The following HEATR1 variants were observed in gnomAD, a reference collection of about 807,000 sequenced individuals.
The protein encoded by HEATR1 is HEAT repeat containing 1, also known as HEAT repeat-containing protein 1.
A neutral mutation model predicts 248.2 loss-of-function variants in HEATR1; 77 were observed. That is an observed-to-expected ratio of 0.31 (90% CI 0.26 to 0.37). HEATR1 has a LOEUF of 0.37. Among genes scored for constraint, HEATR1 ranks in the 10% least tolerant of loss-of-function variants. The probability of loss-of-function intolerance (pLI) is 1.00; values close to 1 mark genes in which losing one functional copy is unlikely to be tolerated. For missense variants in HEATR1, 2,420 were observed against 2,504.9 expected (o/e 0.97, Z 0.72); for synonymous variants, 897 against 923.1 (o/e 0.97, Z 0.51).
chr1:236,592,432 CA>C, intron 10 of HEATR1, 90 bp downstream of exon 10: 1 of 676,666 alleles, frequency 1.5e-6, no homozygotes, highest in Non-Finnish European at 2.7e-6. Context: ...AGTCTCTGTA[CA>C]ATTCAGTATA....
chr1:236,568,104 T>A (rs557611169), intron 29 of HEATR1, among the ~76,000 whole-genome samples: 35 of 152,354 alleles, frequency 2.3e-4, no homozygotes, highest in African/African-American at 7.9e-4. Flanking sequence ...ATCATGCCTT[T>A]TCTCATACTA....
rs534946113 is a variant in HEATR1, at chr1:236,590,862, G to A, written c.1515C>T (p.Ile505=). Residue 505 remains isoleucine, a synonymous_variant, in exon 12 of 45, where the codon ATC becomes ATT. Transcript: ENST00000366582. ...TGAAACAAACCTTTGATGTTTTCAT[G>A]ATCTTTTTCAAATGATTCATGGCCA... is the stretch of plus-strand genomic sequence containing the variant. ...RILAMNHLKK[I]MKTSKEGVDE... The A allele has an allele frequency of 1.3e-6, 2 of 1,502,042 alleles. No homozygotes were observed. Among genetic ancestry groups the A allele is most frequent in the South Asian group, 1.4e-5 (1 of 72,544 alleles). 93.0% of individuals were successfully genotyped at this position (1,502,042 alleles called of 1,614,324 possible).
intron 24 of HEATR1, 48 bp from the exon 25 acceptor site, chr1:236,572,876 A>AT (rs1273970074): frequency 1.3e-6 from 2 of 1,487,172 alleles, no homozygotes; most frequent in African/African-American, 2.8e-5. Flanking sequence ...CATTGGGATA[A>AT]AATTAGAGCA....
chr1:236,554,444 A>C (rs1200552291), intron 42 of HEATR1, among the ~76,000 whole-genome samples, 154 bp downstream of exon 42: 1 of 152,232 alleles, frequency 6.6e-6, no homozygotes, highest in Non-Finnish European at 1.5e-5. Flanking sequence ...CTTTGAAAAA[A>C]CAATTTTCAA....
intron 20 of HEATR1, among the ~76,000 whole-genome samples, chr1:236,578,217 AG>A (rs1663618271): frequency 6.6e-6 from 1 of 152,228 alleles, no homozygotes; most frequent in South Asian, 2.1e-4. Flanking sequence ...CTAAGGAATG[AG>A]GTTGGAGTCA....
intron 42 of HEATR1, among the ~76,000 whole-genome samples, chr1:236,554,092 A>C (rs1478569107): frequency 1.3e-5 from 2 of 152,164 alleles, no homozygotes; most frequent in Admixed American, 1.3e-4. Flanking sequence ...AAAAAATAAA[A>C]AATAAAAAAT....
Position 236,596,957 on chromosome 1 carries a change from C to T in HEATR1, c.623G>A (p.Gly208Asp), listed in dbSNP as rs765469165. The T allele has an allele frequency of 6.2e-6, 10 of 1,611,604 alleles. 1 individual carries two copies. The South Asian group carries it at 1.1e-4, about 18-fold the overall frequency. The change falls in exon 6 of 45, where the codon GGC becomes GAC. Residue 208 changes from glycine to aspartate, a missense_variant. By Grantham distance (94) the Gly-to-Asp change is moderately conservative (BLOSUM62 -1). Coordinates refer to ENST00000366582, the MANE Select transcript of HEATR1 (RefSeq NM_018072.6). The stretch of plus-strand genomic sequence containing the variant: ...GAGCACCCTCAACTGAGCTGAGCTG[C>T]CCGGGTACTCAGCAAAAACCTGAAA... ...KSVKVFAEYP[G>D]SSAQLRVLLA... is the part of the protein sequence containing the mutation.
chr1:236,579,257 G>A (rs1171250722), intron 20 of HEATR1, among the ~76,000 whole-genome samples: 1 of 152,078 alleles, frequency 6.6e-6, no homozygotes, highest in Admixed American at 6.6e-5. Context: ...GACCCTCCCA[G>A]CCCCCTGCAG....
At chr1:236,554,542 C>T in intron 42 of HEATR1, 56 bp downstream of exon 42, 1 of 1,555,408 alleles carries the variant, frequency 6.4e-7, no homozygotes, top group Non-Finnish European at 8.7e-7. Flanking sequence ...CTAAAACCTG[C>T]CAAGCTCGAA....
chr1:236,558,937 T>C, intron 35 of HEATR1, 58 bp downstream of exon 35: 1 of 1,444,040 alleles, frequency 6.9e-7, no homozygotes. Context: ...GGGAGTTAAA[T>C]GCAGCTCTTT....
intron 28 of HEATR1, among the ~76,000 whole-genome samples, 184 bp downstream of exon 28, chr1:236,571,167 A>G (rs1477164420): frequency 6.6e-6 from 1 of 152,228 alleles, no homozygotes; most frequent in Non-Finnish European, 1.5e-5. Context: ...AGGGAAACCA[A>G]AGCTTAGCAA....
At chr1:236,554,861 A>G in intron 41 of HEATR1, 109 bp from the exon 42 acceptor site, 1 of 961,412 alleles carries the variant, frequency 1.0e-6, no homozygotes, top group Non-Finnish European at 1.5e-6. Context: ...AGAGTCTAAA[A>G]TGATCTAGAA....
Position 236,584,807 on chromosome 1 carries a change from T to C in HEATR1, c.2241+218A>G, listed in dbSNP as rs550903530. ...AGAGTCAGGCATCAGATACAAAATATTGCAACCCTAAAATTTTATAATTCA... is the reference window on the plus strand; with the variant it reads ...AGAGTCAGGCATCAGATACAAAATACTGCAACCCTAAAATTTTATAATTCA... On this transcript the variant is annotated intron_variant, in intron 17 of 44. Coordinates refer to ENST00000366582, the MANE Select transcript of HEATR1 (RefSeq NM_018072.6). 2.5e-4 allele frequency among the ~76,000 whole-genome samples: 38 copies of C among 152,282 alleles called. 1 individual carries two copies. Among genetic ancestry groups the C allele is most frequent in the African/African-American group, 6.5e-4 (27 of 41,564 alleles).
In HEATR1 at chr1:236,583,988, C is replaced by T. The variant is rs546555366; in HGVS notation, c.2242-792G>A. Among the ~76,000 whole-genome samples the T allele has an allele frequency of 2.4e-4, 36 of 152,126 alleles. 1 individual carries two copies. In the East Asian group the frequency reaches 5.4e-3, roughly 23 times the overall value. On this transcript the variant is annotated intron_variant, in intron 17 of 44. Coordinates refer to ENST00000366582, the MANE Select transcript of HEATR1 (RefSeq NM_018072.6). Reference sequence around the variant, plus strand: ...CTGTAAGTGCCAAAAGAATGCAGAACAGGTGTAAGAAAATGACAAATATGA... The same window carrying T: ...CTGTAAGTGCCAAAAGAATGCAGAATAGGTGTAAGAAAATGACAAATATGA...
intron 23 of HEATR1, 42 bp downstream of exon 23, chr1:236,574,619 C>T (rs1663517391): frequency 1.3e-6 from 2 of 1,570,446 alleles, no homozygotes; most frequent in East Asian, 4.5e-5. Flanking sequence ...CCTTTAAATG[C>T]TTGAACATGC....
intron 42 of HEATR1, among the ~76,000 whole-genome samples, chr1:236,554,332 C>T (rs1443889359): frequency 1.3e-5 from 2 of 152,152 alleles, no homozygotes; most frequent in Non-Finnish European, 2.9e-5. Flanking sequence ...GTGGAGGTTG[C>T]AGCGAGCCGA....
At position 236,550,852 on chromosome 1, in the gene HEATR1, T is replaced by C. The variant is rs370571720; in HGVS notation, c.*50A>G. ...CACCCAACACCCAAAAATAAAAATA[T>C]GAAATATGAGTGTGAACTCTGAGTA... On this transcript the variant is annotated 3_prime_UTR_variant, in exon 45 of 45. Transcript: ENST00000366582. 6.8e-5 allele frequency: 96 copies of C among 1,403,884 alleles called. No homozygotes were observed. Among genetic ancestry groups the C allele is most frequent in the Non-Finnish European group, 8.8e-5 (90 of 1,022,710 alleles). 87.0% of individuals were successfully genotyped at this position (1,403,884 alleles called of 1,614,324 possible). A position where few individuals can be genotyped will look rare whatever the true frequency, so the allele number is the denominator to read the frequency against.
chr1:236,597,532 C>T (rs1052550224), intron 5 of HEATR1, among the ~76,000 whole-genome samples: 2 of 152,222 alleles, frequency 1.3e-5, no homozygotes, highest in East Asian at 1.9e-4. Flanking sequence ...GGATTACAGG[C>T]GTGAGCCACC....
Position 236,576,210 on chromosome 1 carries a change from G to A in HEATR1, c.3084+9C>T. On this transcript the variant is annotated intron_variant, in intron 22 of 44. Coordinates refer to ENST00000366582, the MANE Select transcript of HEATR1 (RefSeq NM_018072.6). The stretch of plus-strand genomic sequence containing the variant: ...ACAGGAATGTACAATCCACTTAAAT[G>A]GCACATACCTCACCGTTGACTCCCT... The A allele has an allele frequency of 1.3e-6, 2 of 1,574,278 alleles. No individual in the cohort carries two copies. Among genetic ancestry groups the A allele is most frequent in the Non-Finnish European group, 1.7e-6 (2 of 1,165,672 alleles).
Sources: allele counts gnomAD v4.1 joint callset (sites outside exome capture counted in the v4.1 genomes callset), GRCh38; gene constraint gnomAD v4.1.1; transcripts MANE v1.5; gene names NCBI Gene and HGNC (gene_info 2026-07-23, HGNC 2026-07-21).